The following CDK8 variants were observed in gnomAD, a reference collection of about 807,000 sequenced individuals.
CDK8 encodes cyclin dependent kinase 8.
In CDK8, 29 loss-of-function variants were observed where a neutral mutation model predicts 71.5. The observed-to-expected ratio is 0.41, with a 90% CI of 0.30 to 0.55. CDK8 has a LOEUF of 0.55. Among genes scored for constraint, CDK8 ranks in the 20% least tolerant of loss-of-function variants. CDK8 has a pLI of 0.37. For missense variants in CDK8, 288 were observed against 572.6 expected (o/e 0.50, Z 5.07); for synonymous variants, 161 against 192.1 (o/e 0.84, Z 1.34).
intron 1 of CDK8, among the ~76,000 whole-genome samples, chr13:26,260,766 G>A (rs1871738344): frequency 6.6e-6 from 1 of 152,190 alleles, no homozygotes; most frequent in South Asian, 2.1e-4. Context: ...CTGGGCAAAT[G>A]TGTTCTAATT....
intron 1 of CDK8, among the ~76,000 whole-genome samples, chr13:26,275,135 G>C (rs1872515060): frequency 6.6e-6 from 1 of 152,038 alleles, no homozygotes; most frequent in Non-Finnish European, 1.5e-5. Flanking sequence ...TTAGTCCATT[G>C]ATCTGTCTAT....
Position 26,403,943 on chromosome 13 carries a change from A to ATC in CDK8, c.1270-10_1270-9dup. The ATC allele has an allele frequency of 6.2e-7, 1 of 1,609,770 alleles. No homozygotes were observed. Among genetic ancestry groups the ATC allele is most frequent in the Non-Finnish European group, 8.5e-7 (1 of 1,179,768 alleles). ...AGCACCTGAATCACACTTTTCCCTCATCTCCTTTCCAGCGTTCCAATCCAC... is the reference window on the plus strand; with the variant it reads ...AGCACCTGAATCACACTTTTCCCTCATCTCTCCTTTCCAGCGTTCCAATCCAC... On this transcript the variant is annotated splice_polypyrimidine_tract_variant and intron_variant, in intron 12 of 12. Coordinates refer to ENST00000381527, the MANE Select transcript of CDK8 (RefSeq NM_001260.3).
intron 2 of CDK8, among the ~76,000 whole-genome samples, chr13:26,339,756 A>AAATATATATATATATATATATATAT (rs1555231154): frequency 1.4e-5 from 2 of 142,998 alleles, no homozygotes; most frequent in African/African-American, 5.1e-5. Flanking sequence ...TTAAAAAAAA[A>AAATATATATATATATATATATATAT]ATATATATAT....
chr13:26,311,046 T>C (rs1313243496), intron 1 of CDK8, among the ~76,000 whole-genome samples: 4 of 30,586 alleles, frequency 1.3e-4, no homozygotes, highest in South Asian at 8.0e-4. Flanking sequence ...CAATCTCTTT[T>C]TTTTTTTTTT....
intron 1 of CDK8, among the ~76,000 whole-genome samples, chr13:26,281,399 G>T (rs1432406015): frequency 6.6e-6 from 1 of 152,240 alleles, no homozygotes; most frequent in African/African-American, 2.4e-5. Flanking sequence ...AATCACTGCA[G>T]TGTGGCTTGC....
chr13:26,369,618 T>G (rs1410634188), intron 4 of CDK8, among the ~76,000 whole-genome samples: 1 of 148,636 alleles, frequency 6.7e-6, no homozygotes, highest in Non-Finnish European at 1.5e-5. Context: ...AAGCTCCGCT[T>G]CCTGGGTTCA....
intron 12 of CDK8, among the ~76,000 whole-genome samples, chr13:26,402,851 T>C (rs181408430): frequency 6.6e-6 from 1 of 152,344 alleles, no homozygotes; most frequent in East Asian, 1.9e-4. Flanking sequence ...GGTGTGATTG[T>C]TGTTGGTTTT....
intron 4 of CDK8, among the ~76,000 whole-genome samples, chr13:26,365,495 A>G (rs1270417258): frequency 6.6e-6 from 1 of 152,156 alleles, no homozygotes; most frequent in Admixed American, 6.5e-5. Flanking sequence ...ACAAGTTGAT[A>G]AAAATATTAT....
intron 1 of CDK8, among the ~76,000 whole-genome samples, chr13:26,302,475 G>C (rs892083177): frequency 6.6e-6 from 1 of 152,142 alleles, no homozygotes; most frequent in Non-Finnish European, 1.5e-5. Context: ...GGGACAGATA[G>C]GGCAGCTAAG....
intron 4 of CDK8, 129 bp from the exon 5 acceptor site, chr13:26,382,685 C>G (rs1875287156): frequency 1.7e-6 from 1 of 574,724 alleles, no homozygotes; most frequent in South Asian, 2.5e-5. Context: ...TGGTGACTTC[C>G]TGTATTTGGT....
intron 1 of CDK8, among the ~76,000 whole-genome samples, chr13:26,276,960 A>G (rs915755642): frequency 2.6e-5 from 4 of 152,316 alleles, no homozygotes; most frequent in Middle Eastern, 3.4e-3. Flanking sequence ...AGCTTCTCCT[A>G]TCACATTTGT....
intron 2 of CDK8, among the ~76,000 whole-genome samples, chr13:26,348,738 A>G (rs1329370897): frequency 6.6e-6 from 1 of 152,176 alleles, no homozygotes; most frequent in African/African-American, 2.4e-5. Flanking sequence ...GAACATTGTG[A>G]ATATACTTAT....
intron 1 of CDK8, among the ~76,000 whole-genome samples, chr13:26,312,998 GT>G (rs1161452159): frequency 6.6e-6 from 1 of 152,078 alleles, no homozygotes; most frequent in African/African-American, 2.4e-5. Flanking sequence ...TGTAAATGCT[GT>G]TATATCAAGC....
At chr13:26,373,102 C>G (rs952560988) in intron 4 of CDK8, among the ~76,000 whole-genome samples, 1 of 152,130 alleles carries the variant, frequency 6.6e-6, no homozygotes. Flanking sequence ...CGTAAGTAAC[C>G]CTTTCCTCTG....
At position 26,254,816 on chromosome 13, in the gene CDK8, G is replaced by T. The variant is rs370721505; in HGVS notation, c.128+47G>T. 3.1e-6 allele frequency: 5 copies of T among 1,593,252 alleles called. No individual in the cohort carries two copies. In the Admixed American group the frequency reaches 6.8e-5, roughly 22 times the overall value. On this transcript the variant is annotated intron_variant, in intron 1 of 12. Transcript: ENST00000381527. This position sits in a 1 kb window ranked among gnomAD's most constrained non-coding sequence, Gnocchi z 6.7. ...GGTGTCCGCGCTGGGCGGCGCTCCCGCAGGCCGAGGCAGGTAGCCCGGAGG... is the reference window on the plus strand; with the variant it reads ...GGTGTCCGCGCTGGGCGGCGCTCCCTCAGGCCGAGGCAGGTAGCCCGGAGG...
intron 6 of CDK8, 31 bp from the exon 7 acceptor site, chr13:26,393,336 C>G (rs747654897): frequency 7.3e-7 from 1 of 1,365,350 alleles, no homozygotes; most frequent in South Asian, 1.5e-5. Flanking sequence ...GCCTATTTTT[C>G]TTTCTTTTTT....
intron 1 of CDK8, among the ~76,000 whole-genome samples, chr13:26,259,606 G>A (rs1032230876): frequency 2.0e-5 from 3 of 152,140 alleles, no homozygotes; most frequent in African/African-American, 7.2e-5. Flanking sequence ...CCATGTGGTT[G>A]AAGTTACCTA....
intron 1 of CDK8, among the ~76,000 whole-genome samples, chr13:26,295,156 A>C (rs1456459397): frequency 6.6e-6 from 1 of 152,170 alleles, no homozygotes; most frequent in East Asian, 1.9e-4. Context: ...TAGGAAATGT[A>C]TTAATACTTA....
At chr13:26,375,101 A>G (rs918626141) in intron 4 of CDK8, among the ~76,000 whole-genome samples, 1 of 152,164 alleles carries the variant, frequency 6.6e-6, no homozygotes, top group African/African-American at 2.4e-5. Context: ...TTTTAATGAT[A>G]TAATACTAAA....
Sources: gnomAD v4.1 joint callset for allele counts (sites outside exome capture counted in the v4.1 genomes callset) on GRCh38, gnomAD v4.1.1 for gene constraint, Gnocchi (gnomAD v3.1) non-coding constraint, MANE v1.5 for transcripts, NCBI Gene and HGNC (gene_info 2026-07-23, HGNC 2026-07-21) for gene names.